MAPRE1: variants seen among roughly 807,000 people sequenced by gnomAD.
MAPRE1 encodes microtubule associated protein RP/EB family member 1.
A neutral mutation model predicts 32.1 loss-of-function variants in MAPRE1; 5 were observed. That is an observed-to-expected ratio of 0.16 (90% CI 0.08 to 0.33). The LOEUF (loss-of-function observed/expected upper bound fraction) is 0.33. MAPRE1 is among the 10% of genes least tolerant of loss of function. The probability of loss-of-function intolerance (pLI) is 1.00; values close to 1 mark genes in which losing one functional copy is unlikely to be tolerated. For synonymous variants in MAPRE1, 122 were observed against 118.9 expected, an observed-to-expected ratio of 1.03 and a Z score of -0.17; for missense variants, 209 against 327.2, an observed-to-expected ratio of 0.64 and a Z score of 2.79.
intron 3 of MAPRE1, 107 bp downstream of exon 3, chr20:32,833,969 A>T: frequency 8.7e-7 from 1 of 1,144,072 alleles, no homozygotes. Context: ...TTCTTAATTT[A>T]TCTAGTTAAC....
chr20:32,823,709 T>C (rs1280282131), intron 1 of MAPRE1, among the ~76,000 whole-genome samples: 1 of 152,134 alleles, frequency 6.6e-6, no homozygotes, highest in Non-Finnish European at 1.5e-5. Flanking sequence ...GGCCGCAAAA[T>C]GAGACCTGGT....
chr20:32,848,859 A>G lies in MAPRE1; in HGVS notation c.*131A>G, dbSNP rs1455265951. 1.5e-6 allele frequency: 1 copy of G among 680,618 alleles called. No individual in the cohort carries two copies. Among genetic ancestry groups the G allele is most frequent in the African/African-American group, 1.8e-5 (1 of 54,516 alleles). 42.2% of individuals were successfully genotyped at this position (680,618 alleles called of 1,614,324 possible). On this transcript the variant is annotated 3_prime_UTR_variant, in exon 7 of 7. Transcript: ENST00000375571. ...CATAAGCAAAAAGTACCTCTTCTTAAAGTGCACTTTGCAGACGTTTCACTC... is the reference window on the plus strand; with the variant it reads ...CATAAGCAAAAAGTACCTCTTCTTAGAGTGCACTTTGCAGACGTTTCACTC...
chr20:32,821,528 C>T (rs910936935), intron 1 of MAPRE1, among the ~76,000 whole-genome samples: 1 of 152,170 alleles, frequency 6.6e-6, no homozygotes, highest in East Asian at 1.9e-4. Context: ...GTTTTTGGCA[C>T]AGAGGGAAGC....
rs567354359 is a variant in MAPRE1 at position 32,848,775 on chromosome 20, T to C, written c.*47T>C. On this transcript the variant is annotated 3_prime_UTR_variant, in exon 7 of 7. Coordinates refer to ENST00000375571, the MANE Select transcript of MAPRE1 (RefSeq NM_012325.3). ...CATCGGAATTCTTCACTCCAAATCA[T>C]GTGCTTAACTGTAAAATACTCCCTT... The C allele has an allele frequency of 2.6e-6, 4 of 1,509,754 alleles. No individual in the cohort carries two copies. Among genetic ancestry groups the C allele is most frequent in the African/African-American group, 1.4e-5 (1 of 72,070 alleles). The allele number at this position is 1,509,754 out of a possible 1,614,324, so 93.5% of individuals were successfully genotyped here. A position where few individuals can be genotyped will look rare whatever the true frequency, so the allele number is the denominator to read the frequency against.
chr20:32,844,321 A>C (rs910668614), intron 5 of MAPRE1, among the ~76,000 whole-genome samples: 1 of 152,020 alleles, frequency 6.6e-6, no homozygotes, highest in African/African-American at 2.4e-5. Context: ...GGTGGGACCC[A>C]GAAGGCTGGG....
At chr20:32,831,293 A>C (rs532637431) in intron 2 of MAPRE1, among the ~76,000 whole-genome samples, 202 of 152,266 alleles carry the variant, frequency 1.3e-3, no homozygotes, top group African/African-American at 4.4e-3. Flanking sequence ...AAGAAAAAGA[A>C]ACATGAAGAG....
chr20:32,844,055 T>C (rs1420965074), intron 5 of MAPRE1, among the ~76,000 whole-genome samples: 1 of 152,118 alleles, frequency 6.6e-6, no homozygotes, highest in African/African-American at 2.4e-5. Flanking sequence ...GGTTTCACCA[T>C]GTTGGCCAGG....
chr20:32,831,825 G>A (rs1246547174), intron 2 of MAPRE1, among the ~76,000 whole-genome samples: 2 of 151,532 alleles, frequency 1.3e-5, no homozygotes, highest in East Asian at 1.9e-4. Flanking sequence ...GTGAGCCACC[G>A]CGCTTGGCCA....
chr20:32,843,319 G>GA (rs1454216088), intron 5 of MAPRE1: 4 of 152,114 alleles, frequency 2.6e-5, no homozygotes, highest in Admixed American at 6.5e-5. Flanking sequence ...CAGGCTGTGG[G>GA]AAAAACAGTG....
intron 2 of MAPRE1, among the ~76,000 whole-genome samples, chr20:32,829,796 G>C (rs1982968356): frequency 6.6e-6 from 1 of 152,244 alleles, no homozygotes; most frequent in Non-Finnish European, 1.5e-5. Flanking sequence ...GGCTCTGGTA[G>C]AGGGAGATTA....
At chr20:32,843,715 T>C (rs1983425257) in intron 5 of MAPRE1, among the ~76,000 whole-genome samples, 2 of 152,188 alleles carry the variant, frequency 1.3e-5, no homozygotes, top group Admixed American at 1.3e-4. Context: ...GTTTAAGTGT[T>C]TATATAGACA....
At chr20:32,841,742 A>G (rs1323286805) in intron 5 of MAPRE1, among the ~76,000 whole-genome samples, 3 of 151,790 alleles carry the variant, frequency 2.0e-5, no homozygotes, top group African/African-American at 4.8e-5. Context: ...TTGAGGGAGA[A>G]GTAGGAGTGT....
At chr20:32,834,159 T>C (rs1187202236) in intron 3 of MAPRE1, among the ~76,000 whole-genome samples, 1 of 152,210 alleles carries the variant, frequency 6.6e-6, no homozygotes, top group Admixed American at 6.5e-5. Flanking sequence ...TCTAGTAGTC[T>C]GGAATCTAAC....
intron 1 of MAPRE1, among the ~76,000 whole-genome samples, chr20:32,822,487 A>G (rs933436414): frequency 1.3e-5 from 2 of 152,206 alleles, no homozygotes; most frequent in African/African-American, 2.4e-5. Flanking sequence ...TGGTGCTGGC[A>G]GGTCTCAGGC....
Position 32,820,250 on chromosome 20 carries a change from A to C in MAPRE1, c.-4+222A>C, listed in dbSNP as rs1339013950. Among the ~76,000 whole-genome samples, 47 of 33,006 alleles carry C rather than the reference A, an allele frequency of 1.4e-3. 2 individuals carry two copies. The African/African-American group carries it at 0.016, about 11-fold the overall frequency. The allele number at this position is 33,006 out of a possible 152,430, so 21.7% of individuals were successfully genotyped here. A position where few individuals can be genotyped will look rare whatever the true frequency, so the allele number is the denominator to read the frequency against. On this transcript the variant is annotated intron_variant, in intron 1 of 6. Coordinates refer to ENST00000375571, the MANE Select transcript of MAPRE1 (RefSeq NM_012325.3). Reference sequence around the variant, plus strand: ...TCAGGGGGCGGGGTCTCGGGCCGGAAGTGGGCTGCTGCTACGCGGGGTGGG... The same window carrying C: ...TCAGGGGGCGGGGTCTCGGGCCGGACGTGGGCTGCTGCTACGCGGGGTGGG...
At chr20:32,823,070 AGT>A (rs774843443) in intron 1 of MAPRE1, among the ~76,000 whole-genome samples, 48 of 152,200 alleles carry the variant, frequency 3.2e-4, no homozygotes, top group Non-Finnish European at 5.9e-4. Flanking sequence ...GAAAATAAGT[AGT>A]GAGTGCTTGC....
At chr20:32,848,159 C>T (rs530863653) in intron 6 of MAPRE1, among the ~76,000 whole-genome samples, 4 of 151,514 alleles carry the variant, frequency 2.6e-5, no homozygotes, top group South Asian at 2.1e-4. Context: ...AGTCCTGCCT[C>T]GACCCCGCTG....
intron 1 of MAPRE1, among the ~76,000 whole-genome samples, chr20:32,821,999 C>T (rs1476561890): frequency 6.6e-6 from 1 of 152,048 alleles, no homozygotes; most frequent in Admixed American, 6.6e-5. Context: ...TCAGGAGGAG[C>T]CAATTAATTG....
chr20:32,846,464 C>T (rs1216183602), intron 5 of MAPRE1, among the ~76,000 whole-genome samples, 154 bp from the exon 6 acceptor site: 1 of 152,160 alleles, frequency 6.6e-6, no homozygotes, highest in Non-Finnish European at 1.5e-5. Flanking sequence ...TGTTGTTTAT[C>T]TGAGGCTGAA....
Sources: allele counts gnomAD v4.1 joint callset (sites outside exome capture counted in the v4.1 genomes callset), GRCh38; gene constraint gnomAD v4.1.1; transcripts MANE v1.5; gene names NCBI Gene and HGNC (gene_info 2026-07-23, HGNC 2026-07-21).